ZNF717: variants seen among roughly 807,000 people sequenced by gnomAD.
ZNF717 encodes the protein zinc finger protein 717.
ZNF717 carries 9 observed loss-of-function variants against 13.8 expected under a neutral mutation model. The ratio of observed to expected loss-of-function variants is 0.65; its 90% CI spans 0.39 to 1.14. The LOEUF is 1.14. Ranked by LOEUF, ZNF717 falls within the 50% of genes most tolerant of loss-of-function variation. The pLI, the probability that ZNF717 is intolerant of heterozygous loss-of-function variation, is 0.01. For synonymous variants in ZNF717, 327 were observed against 364.1 expected (o/e 0.90, Z 1.16); for missense variants, 1,040 against 1,080.7 (o/e 0.96, Z 0.53).
chr3:75,726,998 A>G (rs1159130384), downstream of ZNF717, among the ~76,000 whole-genome samples: 1 of 152,210 alleles, frequency 6.6e-6, no homozygotes, highest in Admixed American at 6.5e-5. Flanking sequence ...ACATGTAGAA[A>G]CCTTCTTGCG....
chr3:75,761,123 T>C (rs1164617159), intron 2 of ZNF717, among the ~76,000 whole-genome samples: 2 of 152,120 alleles, frequency 1.3e-5, no homozygotes, highest in African/African-American at 4.8e-5. Context: ...CTGTAACTAG[T>C]AAGAAGATTC....
intron 1 of ZNF717, among the ~76,000 whole-genome samples, chr3:75,783,827 T>C (rs1944983766): frequency 6.6e-6 from 1 of 152,230 alleles, no homozygotes; most frequent in African/African-American, 2.4e-5. Context: ...TCATGGAAAG[T>C]GCATCTTGCA....
intron 4 of ZNF717, among the ~76,000 whole-genome samples, chr3:75,723,405 A>G (rs1393307009): frequency 6.6e-6 from 1 of 152,122 alleles, no homozygotes; most frequent in African/African-American, 2.4e-5. Flanking sequence ...CAAGCCACCC[A>G]GGTGCCAACG....
At chr3:75,746,846 G>A (rs373362553) in intron 2 of ZNF717, among the ~76,000 whole-genome samples, 82 of 152,200 alleles carry the variant, frequency 5.4e-4, no homozygotes, top group African/African-American at 2.0e-3. Context: ...GTCTTTTGCT[G>A]AGCAAAAGCT....
intron 4 of ZNF717, among the ~76,000 whole-genome samples, chr3:75,740,177 T>C (rs1260892039): frequency 2.0e-5 from 3 of 152,208 alleles, no homozygotes; most frequent in African/African-American, 7.2e-5. Context: ...GGGTTTTATT[T>C]TGTGTTTTGG....
chr3:75,733,235 T>C (rs1164329700), downstream of ZNF717, among the ~76,000 whole-genome samples: 1 of 152,108 alleles, frequency 6.6e-6, no homozygotes, highest in Non-Finnish European at 1.5e-5. Context: ...AGGTGTAACA[T>C]AGAGTGATGA....
Position 75,739,287 on chromosome 3 carries a change from G to A in ZNF717, c.336C>T (p.Phe112=). The A allele has an allele frequency of 1.3e-6, 2 of 1,515,316 alleles. No individual in the cohort carries two copies. Among genetic ancestry groups the A allele is most frequent in the Non-Finnish European group, 1.8e-6 (2 of 1,131,548 alleles). 93.9% of individuals were successfully genotyped at this position (1,515,316 alleles called of 1,614,324 possible). A position where few individuals can be genotyped will look rare whatever the true frequency, so the allele number is the denominator to read the frequency against. ...TGCTGTTGGTGATTACAATTTGCCA[G>A]AAAAATCTATCATGACTTTCATGGC... ...ERSHESHDRF[F]WQIVITNSNT... Residue 112 remains phenylalanine (F), a synonymous_variant, in exon 5 of 5, where the codon TTC becomes TTT. Transcript: ENST00000652011.
chr3:75,751,749 C>G (rs1488222295), intron 2 of ZNF717, among the ~76,000 whole-genome samples: 1 of 151,358 alleles, frequency 6.6e-6, no homozygotes, highest in African/African-American at 2.4e-5. Context: ...GAGTGTTTGT[C>G]CCTCACATAG....
At chr3:75,732,193 A>G (rs1402334337), downstream of ZNF717, 2 of 699,198 alleles carry the variant, frequency 2.9e-6, no homozygotes, top group African/African-American at 3.5e-5. Flanking sequence ...GCTTATCCTC[A>G]GGAGAAATTA....
At chr3:75,713,988 C>G (rs140913464) in intron 5 of ZNF717, among the ~76,000 whole-genome samples, 1 of 152,092 alleles carries the variant, frequency 6.6e-6, no homozygotes, top group Non-Finnish European at 1.5e-5. Context: ...AGAGAGGAGA[C>G]AGCTTATGCC....
At position 75,737,016 on chromosome 3, in the gene ZNF717, A is replaced by T; in HGVS notation, c.2607T>A (p.Pro869=). The T allele has an allele frequency of 1.9e-6, 3 of 1,600,430 alleles. No homozygotes were observed. Among genetic ancestry groups the T allele is most frequent in the Non-Finnish European group, 2.6e-6 (3 of 1,173,500 alleles). The change falls in exon 5 of 5, where the codon CCT becomes CCA. Residue 869 remains proline, a synonymous_variant. Transcript: ENST00000652011. The part of the protein sequence containing the change: ...IHQRTHTGEK[P]YECKECGKTF... ...TTTTCCCACATTCCTTACATTCATA[A>T]GGTTTTTCTCCTGTGTGTGTTCTCT... is the stretch of plus-strand genomic sequence containing the variant.
downstream of ZNF717, among the ~76,000 whole-genome samples, chr3:75,726,044 C>A (rs1272208395): frequency 3.9e-5 from 6 of 152,312 alleles, no homozygotes; most frequent in East Asian, 1.2e-3. Flanking sequence ...TGTGTTCTTA[C>A]GCTAGACTCA....
intron 2 of ZNF717, among the ~76,000 whole-genome samples, chr3:75,744,264 C>T (rs1227662725): frequency 8.2e-4 from 125 of 152,362 alleles, no homozygotes; most frequent in African/African-American, 2.8e-3. Flanking sequence ...GTTTTAGAAA[C>T]ACCTTCCAGG....
chr3:75,701,838 T>C, intron 6 of ZNF717, among the ~76,000 whole-genome samples: 1 of 152,422 alleles, frequency 6.6e-6, no homozygotes. Context: ...AAATAGACAT[T>C]TATGAAAAGA....
At chr3:75,773,301 T>C (rs916546657) in intron 2 of ZNF717, among the ~76,000 whole-genome samples, 1 of 152,282 alleles carries the variant, frequency 6.6e-6, no homozygotes, top group African/African-American at 2.4e-5. Flanking sequence ...AAGTTCCTTC[T>C]GGCTAATACG....
intron 2 of ZNF717, among the ~76,000 whole-genome samples, chr3:75,747,362 T>A (rs1941275562): frequency 6.6e-6 from 1 of 152,202 alleles, no homozygotes; most frequent in Non-Finnish European, 1.5e-5. Context: ...TGGTTCTATA[T>A]CAACTTTAAA....
intron 2 of ZNF717, among the ~76,000 whole-genome samples, chr3:75,749,397 G>A (rs1490378645): frequency 1.3e-5 from 2 of 151,942 alleles, no homozygotes; most frequent in Admixed American, 1.3e-4. Flanking sequence ...GGGTCTGAAT[G>A]TTTGTCCCTC....
chr3:75,694,773 A>G lies in ZNF717; in HGVS notation n.1086-15622T>C, dbSNP rs1316598392. ...TGATGCAATCAGTGTTAAATTGTCC[A>G]CAGTCTAAAATCATGTATTATATTG... is the stretch of plus-strand genomic sequence containing the variant. On this transcript the variant is annotated intron_variant and non_coding_transcript_variant, in intron 6 of 6. Transcript: ENST00000648506. Among the ~76,000 whole-genome samples, 4 of 152,350 alleles carry G rather than the reference A, an allele frequency of 2.6e-5. No individual in the cohort carries two copies. The East Asian group carries it at 7.7e-4, about 29-fold the overall frequency.
chr3:75,760,030 C>T (rs544177049), intron 2 of ZNF717, among the ~76,000 whole-genome samples: 50 of 151,964 alleles, frequency 3.3e-4, no homozygotes, highest in Non-Finnish European at 5.1e-4. Flanking sequence ...GAAATTTTTT[C>T]TTTCTTCTTT....
Sources: gnomAD v4.1 joint callset for allele counts (sites outside exome capture counted in the v4.1 genomes callset) on GRCh38, gnomAD v4.1.1 for gene constraint, MANE v1.5 for transcripts, NCBI Gene and HGNC (gene_info 2026-07-23, HGNC 2026-07-21) for gene names.